Variants in KIF26B observed in about 807,000 individuals in gnomAD.
KIF26B encodes the protein kinesin family member 26B.
A neutral mutation model predicts 151.2 loss-of-function variants in KIF26B; 63 were observed. The observed-to-expected ratio is 0.42, with a 90% confidence interval of 0.34 to 0.51. KIF26B has a LOEUF of 0.51. Among genes scored for constraint, KIF26B ranks in the 20% least tolerant of loss-of-function variants. The probability of loss-of-function intolerance (pLI) is 0.07; values close to 1 mark genes in which losing one functional copy is unlikely to be tolerated. For synonymous variants in KIF26B, 1,357 were observed against 1,262.1 expected (o/e 1.08, Z -1.59); for missense variants, 2,813 against 2,913.6 (o/e 0.97, Z 0.79).
Position 245,320,072 on chromosome 1 carries a change from G to A in KIF26B, c.466-46762G>A, listed in dbSNP as rs191754723. On this transcript the variant is annotated intron_variant, in intron 2 of 14. Coordinates refer to ENST00000407071, the MANE Select transcript of KIF26B (RefSeq NM_018012.4). ...TTATTTGGACATTATGATGGTCCAC[G>A]CTGTGAGGTCAGCCAGCTATTGTTC... is the stretch of plus-strand genomic sequence containing the variant. 2.6e-4 allele frequency among the ~76,000 whole-genome samples: 40 copies of A among 152,284 alleles called. 1 individual carries two copies. The highest frequency in any genetic ancestry group is 2.2e-3 in the Admixed American group (33 of 15,288).
At chr1:245,365,513 T>TCCCCCCCCCCCC (rs528122828) in intron 2 of KIF26B, among the ~76,000 whole-genome samples, 3 of 137,242 alleles carry the variant, frequency 2.2e-5, no homozygotes, top group African/African-American at 9.4e-5. Flanking sequence ...GCCTCACAAC[T>TCCCCCCCCCCCC]CCCCCCCACC....
At chr1:245,309,926 A>C (rs1293148388) in intron 2 of KIF26B, among the ~76,000 whole-genome samples, 3 of 146,732 alleles carry the variant, frequency 2.0e-5, no homozygotes, top group Admixed American at 6.9e-5. Context: ...ATATAAATCA[A>C]TAAATATCTC....
At chr1:245,494,336 A>G (rs1010020975) in intron 4 of KIF26B, among the ~76,000 whole-genome samples, 3 of 151,958 alleles carry the variant, frequency 2.0e-5, no homozygotes, top group Non-Finnish European at 4.4e-5. Context: ...AAACAATCAC[A>G]TTCAAAGCTT....
rs1362954201 is a variant in KIF26B, at chr1:245,358,252, A to G, written c.466-8582A>G. ...ATGGCAACACCACCAAATTTTAGGT[A>G]TTTAATCTTTTTGTAGTAAGTTTAA... On this transcript the variant is annotated intron_variant, in intron 2 of 14. Transcript: ENST00000407071. This position sits in a 1 kb window ranked among gnomAD's most constrained non-coding sequence, Gnocchi z 4.1. Among the ~76,000 whole-genome samples, 1 of 152,204 alleles carries G rather than the reference A, an allele frequency of 6.6e-6. No individual in the cohort carries two copies. Among genetic ancestry groups the G allele is most frequent in the Non-Finnish European group, 1.5e-5 (1 of 68,046 alleles).
intron 2 of KIF26B, among the ~76,000 whole-genome samples, chr1:245,304,757 C>T (rs1450574911): frequency 1.3e-5 from 2 of 151,348 alleles, no homozygotes; most frequent in African/African-American, 4.8e-5. Flanking sequence ...ACCTCAGCCT[C>T]CCGGATGTTT....
intron 9 of KIF26B, among the ~76,000 whole-genome samples, chr1:245,617,312 G>A (rs975336263): frequency 6.6e-6 from 1 of 152,156 alleles, no homozygotes; most frequent in Non-Finnish European, 1.5e-5. Context: ...TGGCCACGCT[G>A]GTCTCGAACT....
At chr1:245,547,369 G>A (rs1424351365) in intron 5 of KIF26B, among the ~76,000 whole-genome samples, 1 of 152,130 alleles carries the variant, frequency 6.6e-6, no homozygotes, top group African/African-American at 2.4e-5. Flanking sequence ...TGGATCACTT[G>A]AGGTCAGAAG....
chr1:245,473,615 A>G (rs928508133), intron 4 of KIF26B, among the ~76,000 whole-genome samples: 34 of 151,916 alleles, frequency 2.2e-4, no homozygotes, highest in African/African-American at 7.5e-4. Flanking sequence ...AAGCAAAAGA[A>G]CCACTCAGTG....
chr1:245,630,105 G>T (rs945912405), intron 9 of KIF26B, among the ~76,000 whole-genome samples: 3 of 152,176 alleles, frequency 2.0e-5, no homozygotes, highest in Non-Finnish European at 2.9e-5. Context: ...AGGCTGTGGA[G>T]AAATAGAAAC....
In KIF26B at chr1:245,699,258, A is replaced by C. The variant is rs532952284; in HGVS notation, c.6178+221A>C. 2.2e-4 allele frequency among the ~76,000 whole-genome samples: 33 copies of C among 152,298 alleles called. No homozygotes were observed. The East Asian group carries it at 6.0e-3, about 28-fold the overall frequency. ...AGGGGTGGTGAATATTGCTCTTGCA[A>C]GATTATTTCTACGTGTCTCAGTCCA... On this transcript the variant is annotated intron_variant, in intron 14 of 14. Transcript: ENST00000407071.
At chr1:245,398,475 G>A (rs1008040092) in intron 3 of KIF26B, among the ~76,000 whole-genome samples, 1 of 152,048 alleles carries the variant, frequency 6.6e-6, no homozygotes, top group Non-Finnish European at 1.5e-5. Flanking sequence ...ACAGAAATGA[G>A]AGCAGGTGAC....
At chr1:245,381,073 T>G (rs1409223514) in intron 3 of KIF26B, among the ~76,000 whole-genome samples, 1 of 151,956 alleles carries the variant, frequency 6.6e-6, no homozygotes, top group Non-Finnish European at 1.5e-5. Context: ...TATTTCGATG[T>G]CCTAAGCTTC....
chr1:245,390,794 A>G (rs962882180), intron 3 of KIF26B, among the ~76,000 whole-genome samples: 1 of 151,944 alleles, frequency 6.6e-6, no homozygotes, highest in Non-Finnish European at 1.5e-5. Flanking sequence ...TTTATTAATC[A>G]TAAAATTTTG....
rs2044543667 is a variant in KIF26B at position 245,687,377 on chromosome 1, C to T, written c.4394C>T (p.Thr1465Ile). 1 of 1,589,656 alleles carries T rather than the reference C, an allele frequency of 6.3e-7. No homozygotes were observed. The highest frequency in any genetic ancestry group is 1.7e-4 in the Middle Eastern group (1 of 6,034). ...GAAGAAGGGATGATGAGGTGTGAGA[C>T]TGCCACGGGCCCCTCGAATGCTGAG... Reference protein sequence around the residue: ...PNEEGMMRCETATGPSNAETR... With the variant: ...PNEEGMMRCEIATGPSNAETR... The change falls in exon 12 of 15, where the codon ACT becomes ATT. Residue 1465 changes from threonine to isoleucine, a missense_variant. Thr to Ile is a moderately conservative substitution (Grantham distance 89, BLOSUM62 -1). This residue lies in a region of KIF26B where 2,060 missense variants were observed against 2,088.6 expected (regional missense o/e 0.99). Coordinates refer to ENST00000407071, the MANE Select transcript of KIF26B (RefSeq NM_018012.4). The surrounding 1 kb of genome is among the most constrained non-coding windows in gnomAD (Gnocchi z 4.9).
intron 3 of KIF26B, among the ~76,000 whole-genome samples, chr1:245,405,530 G>A (rs1674114710): frequency 6.6e-6 from 1 of 152,112 alleles, no homozygotes; most frequent in Non-Finnish European, 1.5e-5. Flanking sequence ...GGGTAGAACT[G>A]AGCCCCTGGC....
chr1:245,555,258 C>A (rs1254503165), intron 5 of KIF26B, among the ~76,000 whole-genome samples: 1 of 152,034 alleles, frequency 6.6e-6, no homozygotes, highest in East Asian at 1.9e-4. Context: ...GAAGGGAATT[C>A]TTTTCGTTTC....
intron 3 of KIF26B, among the ~76,000 whole-genome samples, chr1:245,414,415 C>G (rs56363419): frequency 0.17 from 25,998 of 152,080 alleles, 2,522 homozygotes; most frequent in African/African-American, 0.25. Flanking sequence ...AGGTGGGAAG[C>G]CTGAAGAATG....
chr1:245,262,541 C>A (rs138516476), intron 2 of KIF26B, among the ~76,000 whole-genome samples: 1 of 152,116 alleles, frequency 6.6e-6, no homozygotes, highest in East Asian at 1.9e-4. Flanking sequence ...GCAACCCACA[C>A]CTTCTGGGGT....
At chr1:245,651,493 T>C (rs2044014799) in intron 10 of KIF26B, among the ~76,000 whole-genome samples, 1 of 152,084 alleles carries the variant, frequency 6.6e-6, no homozygotes, top group Non-Finnish European at 1.5e-5. Flanking sequence ...GATTTGGGAT[T>C]AGCCTCTCCT....
Sources: gnomAD v4.1 joint callset for allele counts (sites outside exome capture counted in the v4.1 genomes callset) on GRCh38, gnomAD v4.1.1 for gene constraint, gnomAD v4.1.1 regional missense constraint, Gnocchi (gnomAD v3.1) non-coding constraint, MANE v1.5 for transcripts, NCBI Gene and HGNC (gene_info 2026-07-23, HGNC 2026-07-21) for gene names.